The following CAMKMT variants were observed in gnomAD, a reference collection of about 807,000 sequenced individuals.
CAMKMT encodes the protein calmodulin-lysine N-methyltransferase, also known as CaM KMT.
In CAMKMT, 53 loss-of-function variants were observed where a neutral mutation model predicts 48.0. The observed-to-expected ratio is 1.10, with a 90% CI of 0.89 to 1.39. CAMKMT has a LOEUF of 1.39. Ranked by LOEUF, CAMKMT falls within the 40% of genes most tolerant of loss-of-function variation. The pLI, the probability that CAMKMT is intolerant of heterozygous loss-of-function variation, is 0.00. For missense variants in CAMKMT, 428 were observed against 402.7 expected (o/e 1.06, Z -0.54); for synonymous variants, 165 against 152.3 (o/e 1.08, Z -0.61).
chr2:44,729,630 G>A (rs535717873), intron 7 of CAMKMT, among the ~76,000 whole-genome samples: 1 of 152,176 alleles, frequency 6.6e-6, no homozygotes, highest in Admixed American at 6.5e-5. Flanking sequence ...ACTCCCATAA[G>A]AATGTTGGTG....
At chr2:44,737,604 C>T (rs1357771427) in intron 7 of CAMKMT, among the ~76,000 whole-genome samples, 2 of 152,136 alleles carry the variant, frequency 1.3e-5, no homozygotes, top group Non-Finnish European at 2.9e-5. Context: ...ATTCCTGGCC[C>T]TGTGTGAGCA....
At chr2:44,687,740 G>C (rs1454066150) in intron 3 of CAMKMT, among the ~76,000 whole-genome samples, 1 of 152,274 alleles carries the variant, frequency 6.6e-6, no homozygotes, top group Non-Finnish European at 1.5e-5. Context: ...TATCCTTACA[G>C]ATGCTGTGGA....
intron 3 of CAMKMT, among the ~76,000 whole-genome samples, chr2:44,405,986 T>C (rs768242869): frequency 2.0e-5 from 3 of 152,194 alleles, no homozygotes; most frequent in Non-Finnish European, 2.9e-5. Flanking sequence ...CCAATCAATT[T>C]CATAGTTAAA....
chr2:44,629,492 G>A lies in CAMKMT; in HGVS notation c.377-74791G>A, dbSNP rs1672687814. ...ACTCTGTCACCCAGATTGTAGTGCA[G>A]TGGCCTAATCTTGGCTCACTGCAAT... On this transcript the variant is annotated intron_variant, in intron 3 of 10. Transcript: ENST00000378494. Among the ~76,000 whole-genome samples the A allele has an allele frequency of 2.1e-5, 3 of 141,434 alleles. No homozygotes were observed. In the South Asian group the frequency reaches 6.6e-4, roughly 31 times the overall value. 92.8% of individuals were successfully genotyped at this position (141,434 alleles called of 152,430 possible).
chr2:44,610,138 G>A (rs1031379724), intron 3 of CAMKMT, among the ~76,000 whole-genome samples: 5 of 152,096 alleles, frequency 3.3e-5, no homozygotes, highest in Admixed American at 2.6e-4. Flanking sequence ...ATAGAAATGT[G>A]TTCATTGAGA....
At chr2:44,611,756 C>T (rs1671610891) in intron 3 of CAMKMT, among the ~76,000 whole-genome samples, 1 of 151,824 alleles carries the variant, frequency 6.6e-6, no homozygotes, top group African/African-American at 2.4e-5. Flanking sequence ...CCGGCATCTG[C>T]TTGGCTTCTA....
At chr2:44,580,058 G>A (rs538866209) in intron 3 of CAMKMT, among the ~76,000 whole-genome samples, 67 of 152,086 alleles carry the variant, frequency 4.4e-4, no homozygotes, top group African/African-American at 9.9e-4. Flanking sequence ...CAGTGCCCAC[G>A]CACCCAGGGA....
intron 3 of CAMKMT, among the ~76,000 whole-genome samples, chr2:44,603,000 A>G (rs995873348): frequency 2.0e-5 from 3 of 151,968 alleles, no homozygotes; most frequent in Non-Finnish European, 4.4e-5. Context: ...AGCATCATTA[A>G]CCAGAGTTCA....
chr2:44,766,609 T>C (rs1680852775), intron 10 of CAMKMT, 48 bp downstream of exon 10: 12 of 1,602,074 alleles, frequency 7.5e-6, no homozygotes, highest in Non-Finnish European at 9.4e-6. Context: ...GCATTGCATT[T>C]TGAAGAGATC....
intron 10 of CAMKMT, among the ~76,000 whole-genome samples, chr2:44,768,363 T>A (rs866949406): frequency 0.016 from 1,151 of 71,926 alleles, 8 homozygotes; most frequent in African/African-American, 0.037. Context: ...ATATATATAT[T>A]TTTTTTTTTT....
At chr2:44,486,491 A>G (rs1053300327) in intron 3 of CAMKMT, among the ~76,000 whole-genome samples, 6 of 152,134 alleles carry the variant, frequency 3.9e-5, no homozygotes, top group African/African-American at 1.4e-4. Context: ...TCTGATTTGA[A>G]AGAGGTGGTT....
At chr2:44,557,328 C>T (rs1668067929) in intron 3 of CAMKMT, among the ~76,000 whole-genome samples, 1 of 151,566 alleles carries the variant, frequency 6.6e-6, no homozygotes, top group Admixed American at 6.6e-5. Context: ...AGTACATTCT[C>T]TTATTTGAGG....
chr2:44,703,948 T>G (rs1476495396), intron 3 of CAMKMT, among the ~76,000 whole-genome samples: 3 of 152,156 alleles, frequency 2.0e-5, no homozygotes, highest in African/African-American at 7.2e-5. Context: ...TGATACTAAT[T>G]AATTTTATGT....
intron 9 of CAMKMT, 83 bp downstream of exon 9, chr2:44,754,201 CA>C: frequency 9.4e-7 from 1 of 1,060,728 alleles, no homozygotes. Context: ...AATGGAATGG[CA>C]GGATTAATGT....
At chr2:44,567,284 A>G (rs1224888826) in intron 3 of CAMKMT, among the ~76,000 whole-genome samples, 1 of 152,194 alleles carries the variant, frequency 6.6e-6, no homozygotes, top group African/African-American at 2.4e-5. Flanking sequence ...CTCATGTGAC[A>G]TATGCAACCC....
chr2:44,387,050 T>G (rs890764335), intron 2 of CAMKMT, among the ~76,000 whole-genome samples: 1 of 152,182 alleles, frequency 6.6e-6, no homozygotes. Context: ...CAAGGTATAG[T>G]TTAAATCTAT....
chr2:44,510,191 C>T (rs536314539), intron 3 of CAMKMT, among the ~76,000 whole-genome samples: 1 of 152,298 alleles, frequency 6.6e-6, no homozygotes, highest in East Asian at 1.9e-4. Flanking sequence ...AATCCAAGAG[C>T]ACATACTGCA....
At chr2:44,637,612 G>A (rs893743400) in intron 3 of CAMKMT, among the ~76,000 whole-genome samples, 1 of 151,628 alleles carries the variant, frequency 6.6e-6, no homozygotes, top group African/African-American at 2.4e-5. Flanking sequence ...GCTACCCAAT[G>A]GCTTCTCTAC....
chr2:44,736,971 G>C (rs915021248), intron 7 of CAMKMT, among the ~76,000 whole-genome samples: 1 of 152,000 alleles, frequency 6.6e-6, no homozygotes, highest in Admixed American at 6.5e-5. Flanking sequence ...TTTCGATTGA[G>C]TTCAGTTGTT....
Sources: allele counts gnomAD v4.1 joint callset (sites outside exome capture counted in the v4.1 genomes callset), GRCh38; gene constraint gnomAD v4.1.1; transcripts MANE v1.5; gene names NCBI Gene and HGNC (gene_info 2026-07-23, HGNC 2026-07-21).